ZCWPW1: variants seen among roughly 807,000 people sequenced by gnomAD.
ZCWPW1 encodes zinc finger CW-type PWWP domain protein 1.
Under a neutral mutation model 81.3 loss-of-function variants are expected in ZCWPW1, and 56 were observed. The observed-to-expected ratio is 0.69, with a 90% CI of 0.56 to 0.86. ZCWPW1 has a LOEUF of 0.86. ZCWPW1 is among the 40% of genes least tolerant of loss of function. The probability of loss-of-function intolerance (pLI) is 0.00; values close to 1 mark genes in which losing one functional copy is unlikely to be tolerated. For synonymous variants in ZCWPW1, 250 were observed against 273.7 expected, an observed-to-expected ratio of 0.91 and a Z score of 0.86; for missense variants, 650 against 769.8, an observed-to-expected ratio of 0.84 and a Z score of 1.84.
At chr7:100,404,958 TC>T in intron 13 of ZCWPW1, 54 bp downstream of exon 13, 1 of 1,543,688 alleles carries the variant, frequency 6.5e-7, no homozygotes. Flanking sequence ...TGAGAAAGAA[TC>T]CCCCTTGTCC....
rs534614336 is a variant in ZCWPW1, at chr7:100,411,101, A to G, written c.755-1557T>C. 2.0e-5 allele frequency among the ~76,000 whole-genome samples: 3 copies of G among 152,242 alleles called. No homozygotes were observed. The South Asian group carries it at 6.2e-4, about 32-fold the overall frequency. ...ATATTCACTATTTATTTATCAACCA[A>G]CATATTTCTCCAGTAAGTTCACTCT... On this transcript the variant is annotated intron_variant, in intron 8 of 17. Transcript: ENST00000684423.
At position 100,410,431 on chromosome 7, in the gene ZCWPW1, CATT is replaced by C. The variant is rs1404095126; in HGVS notation, c.755-890_755-888del. On this transcript the variant is annotated intron_variant, in intron 8 of 17. Coordinates refer to ENST00000684423, the MANE Select transcript of ZCWPW1 (RefSeq NM_001386010.1). ...CTCTTGGGACAGAAAGTCAGGCTGGCATTATCATTGCCCCATTGCTACTACTCT... is the reference window on the plus strand; with the variant it reads ...CTCTTGGGACAGAAAGTCAGGCTGGCATCATTGCCCCATTGCTACTACTCT... Among the ~76,000 whole-genome samples, 6 of 152,264 alleles carry C rather than the reference CATT, an allele frequency of 3.9e-5. No individual in the cohort carries two copies. The East Asian group carries it at 1.2e-3, about 29-fold the overall frequency.
At position 100,402,484 on chromosome 7, in the gene ZCWPW1, G is replaced by C. The variant is rs200136153; in HGVS notation, c.1474+32C>G. On this transcript the variant is annotated intron_variant, in intron 16 of 17. Coordinates refer to ENST00000684423, the MANE Select transcript of ZCWPW1 (RefSeq NM_001386010.1). Reference sequence around the variant, plus strand: ...CTACCACTTCCCTGCCTTAACTGTGGGTTGTGCTCCATTTCCAGCTGGCCT... The same window carrying C: ...CTACCACTTCCCTGCCTTAACTGTGCGTTGTGCTCCATTTCCAGCTGGCCT... The C allele has an allele frequency of 4.3e-5, 70 of 1,611,920 alleles. No individual in the cohort carries two copies. In the African/African-American group the frequency reaches 8.3e-4, roughly 19 times the overall value.
intron 8 of ZCWPW1, among the ~76,000 whole-genome samples, chr7:100,411,916 GTGTT>G (rs1794248648): frequency 6.6e-6 from 1 of 152,152 alleles, no homozygotes; most frequent in South Asian, 2.1e-4. Context: ...CTGGAAAACT[GTGTT>G]TGATGCCCGG....
rs757466499 is a variant in ZCWPW1 at position 100,403,744 on chromosome 7, C to T, written c.1363G>A (p.Glu455Lys). 4 of 1,613,936 alleles carry T rather than the reference C, an allele frequency of 2.5e-6. No individual in the cohort carries two copies. Among genetic ancestry groups the T allele is most frequent in the Non-Finnish European group, 3.4e-6 (4 of 1,179,982 alleles). ...AACTCTTCCTCTTTCTCCTTTTTCT[C>T]TAAGCAGGATCCTGGGCTGTTCAAA... is the stretch of plus-strand genomic sequence containing the variant. ...SGLNSPGSCL[E>K]KKEKEEELEK... The change falls in exon 15 of 18, where the codon GAG becomes AAG. Residue 455 changes from glutamate (E) to lysine (K), a missense_variant. Glu to Lys is a moderately conservative substitution (Grantham distance 56). Transcript: ENST00000684423.
chr7:100,419,295 G>A (rs1232238724), intron 4 of ZCWPW1, 106 bp from the exon 5 acceptor site: 11 of 960,368 alleles, frequency 1.1e-5, no homozygotes, highest in African/African-American at 1.6e-5. Flanking sequence ...TTTATAAGAC[G>A]GAAGGCATGC....
Position 100,406,683 on chromosome 7 carries a change from G to A in ZCWPW1, c.1173+11C>T, listed in dbSNP as rs1185885914. 1 of 1,611,038 alleles carries A rather than the reference G, an allele frequency of 6.2e-7. No homozygotes were observed. Among genetic ancestry groups the A allele is most frequent in the African/African-American group, 1.3e-5 (1 of 74,834 alleles). On this transcript the variant is annotated intron_variant, in intron 12 of 17. Coordinates refer to ENST00000684423, the MANE Select transcript of ZCWPW1 (RefSeq NM_001386010.1). ...TCTCTGTATCACAACAGAACCCCAA[G>A]ATGTGCTCACCATGACTGATAGCTC...
chr7:100,421,796 G>A (rs1226742350), intron 2 of ZCWPW1, among the ~76,000 whole-genome samples: 2 of 152,032 alleles, frequency 1.3e-5, no homozygotes, highest in Admixed American at 6.6e-5. Context: ...GGGTTCAAGC[G>A]ATTCTCCTGC....
chr7:100,404,853 T>A (rs1792651859), intron 13 of ZCWPW1, among the ~76,000 whole-genome samples, 160 bp downstream of exon 13: 1 of 152,176 alleles, frequency 6.6e-6, no homozygotes, highest in Admixed American at 6.5e-5. Flanking sequence ...AAAAACTGAC[T>A]CCACAGAAAA....
intron 17 of ZCWPW1, 58 bp from the exon 18 acceptor site, chr7:100,401,394 T>G (rs1024806085): frequency 9.2e-6 from 13 of 1,417,828 alleles, no homozygotes; most frequent in Non-Finnish European, 1.2e-5. Flanking sequence ...CCTTACCTTT[T>G]ATAAGTCAAA....
chr7:100,405,113 C>T lies in ZCWPW1; in HGVS notation c.1174-20G>A, dbSNP rs764599715. The T allele has an allele frequency of 1.2e-5, 19 of 1,607,678 alleles. No individual in the cohort carries two copies. Among genetic ancestry groups the T allele is most frequent in the East Asian group, 2.2e-5 (1 of 44,680 alleles). On this transcript the variant is annotated intron_variant, in intron 12 of 17. Transcript: ENST00000684423. ...CTTTTTCTGAAATAGAAGATTAGAGCCAATGATAAATATTGACTTAAAGAT... is the reference window on the plus strand; with the variant it reads ...CTTTTTCTGAAATAGAAGATTAGAGTCAATGATAAATATTGACTTAAAGAT...
chr7:100,417,347 A>C (rs1563143241), intron 5 of ZCWPW1, 164 bp from the exon 6 acceptor site: 1 of 568,200 alleles, frequency 1.8e-6, no homozygotes, highest in East Asian at 3.0e-5. Flanking sequence ...AACTACAAAT[A>C]TGTATCTTTC....
At chr7:100,412,449 A>G (rs1243788809) in intron 8 of ZCWPW1, among the ~76,000 whole-genome samples, 1 of 152,208 alleles carries the variant, frequency 6.6e-6, no homozygotes, top group Non-Finnish European at 1.5e-5. Context: ...CATCCTTGAC[A>G]TACCTTCTCC....
In ZCWPW1 at chr7:100,416,455, C is replaced by G. The variant is rs1795237618; in HGVS notation, c.481G>C (p.Glu161Gln). 1 of 1,612,466 alleles carries G rather than the reference C, an allele frequency of 6.2e-7. No individual in the cohort carries two copies. Among genetic ancestry groups the G allele is most frequent in the Admixed American group, 1.7e-5 (1 of 59,476 alleles). ...ATCTCTTGAGTATGTGGTACCTCCT[C>G]TCTGAAAATGAGGTTTTATTTTAAT... The part of the protein sequence containing the change: ...SATDTDNANG[E>Q]EVPHTQEISV... The change falls in exon 7 of 18, where the codon GAG becomes CAG. Residue 161 changes from glutamate to glutamine, a missense_variant and splice_region_variant. By Grantham distance (29) the Glu-to-Gln change is conservative (BLOSUM62 2). Coordinates refer to ENST00000684423, the MANE Select transcript of ZCWPW1 (RefSeq NM_001386010.1).
At chr7:100,405,994 A>G (rs886868717) in intron 12 of ZCWPW1, among the ~76,000 whole-genome samples, 10 of 152,144 alleles carry the variant, frequency 6.6e-5, no homozygotes, top group Non-Finnish European at 1.3e-4. Flanking sequence ...TGAAAACAGG[A>G]TTATAGGAGC....
At chr7:100,425,276 T>C (rs1797106596) in intron 1 of ZCWPW1, 140 bp from the exon 2 acceptor site, 1 of 152,148 alleles carries the variant, frequency 6.6e-6, no homozygotes, top group Admixed American at 6.6e-5. Flanking sequence ...TCTCTTTTCT[T>C]ACCTTAGATG....
intron 8 of ZCWPW1, among the ~76,000 whole-genome samples, chr7:100,415,017 C>CT (rs778822957): frequency 4.0e-5 from 6 of 148,900 alleles, no homozygotes; most frequent in Non-Finnish European, 5.9e-5. Context: ...GAGCAAGACT[C>CT]TATCTCAAAA....
At chr7:100,426,565 T>C (rs1388904490) in intron 1 of ZCWPW1, among the ~76,000 whole-genome samples, 1 of 151,628 alleles carries the variant, frequency 6.6e-6, no homozygotes, top group East Asian at 1.9e-4. Context: ...TTTGCATTAA[T>C]AACAGTATGT....
rs530221721 is a variant in ZCWPW1 at position 100,401,071 on chromosome 7, C to T, written c.1893G>A (p.Glu631=). ...CGCCATCACTGTTGCTGTGCTGCAG[C>T]TCCCCGCTCTGCCCCAGCTCTCTCC... ...DVGRELGQSG[E]LQHSNSDGED... The change falls in exon 18 of 18, where the codon GAG becomes GAA. Residue 631 remains glutamate, a synonymous_variant. Transcript: ENST00000684423. The T allele has an allele frequency of 1.2e-6, 2 of 1,614,148 alleles. No individual in the cohort carries two copies. The highest frequency in any genetic ancestry group is 1.7e-6 in the Non-Finnish European group (2 of 1,180,002).
Sources: allele counts gnomAD v4.1 joint callset (sites outside exome capture counted in the v4.1 genomes callset), GRCh38; gene constraint gnomAD v4.1.1; transcripts MANE v1.5; gene names NCBI Gene and HGNC (gene_info 2026-07-23, HGNC 2026-07-21).